The following RUFY4 variants were observed in gnomAD, a reference collection of about 807,000 sequenced individuals.
The protein encoded by RUFY4 is RUN and FYVE domain containing 4, also known as RUN and FYVE domain-containing protein 4.
RUFY4 carries 73 observed loss-of-function variants against 69.0 expected under a neutral mutation model. The observed-to-expected ratio is 1.06, with a 90% confidence interval of 0.88 to 1.29. The LOEUF is 1.29. RUFY4 is among the 50% of genes most tolerant of loss of function. RUFY4 has a pLI of 0.00. For synonymous variants in RUFY4, 287 were observed against 271.8 expected, an observed-to-expected ratio of 1.06 and a Z score of -0.55; for missense variants, 770 against 705.6, an observed-to-expected ratio of 1.09 and a Z score of -1.03.
chr2:218,039,124 T>A (rs1959023167), intron 2 of RUFY4, among the ~76,000 whole-genome samples: 1 of 152,168 alleles, frequency 6.6e-6, no homozygotes, highest in Non-Finnish European at 1.5e-5. Flanking sequence ...ACTGTCTCTT[T>A]AAACTTCCTG....
chr2:218,037,850 T>C (rs1347204249), intron 2 of RUFY4, among the ~76,000 whole-genome samples: 1 of 152,226 alleles, frequency 6.6e-6, no homozygotes, highest in Non-Finnish European at 1.5e-5. Flanking sequence ...GGAAGGATCC[T>C]ATGTGGAGAA....
chr2:218,064,560 G>T (rs1190575677), upstream of RUFY4, among the ~76,000 whole-genome samples: 1 of 152,188 alleles, frequency 6.6e-6, no homozygotes, highest in Non-Finnish European at 1.5e-5. Context: ...GAGGTCCGGG[G>T]AGAGCTGGAG....
chr2:218,068,338 G>C (rs1446845949), upstream of RUFY4, among the ~76,000 whole-genome samples: 3 of 152,098 alleles, frequency 2.0e-5, no homozygotes, highest in East Asian at 5.8e-4. Flanking sequence ...AATTGGGAGG[G>C]CAAGAAAGAG....
chr2:218,044,081 C>T (rs2106027649), intron 2 of RUFY4, among the ~76,000 whole-genome samples: 1 of 152,346 alleles, frequency 6.6e-6, no homozygotes, highest in East Asian at 1.9e-4. Flanking sequence ...CAGGAGCAGG[C>T]CCTTCTGAGC....
At chr2:218,088,124 A>G (rs1445074150) in intron 9 of RUFY4, among the ~76,000 whole-genome samples, 2 of 152,184 alleles carry the variant, frequency 1.3e-5, no homozygotes, top group Admixed American at 1.3e-4. Flanking sequence ...CTTTTGTACG[A>G]TTTTATTTTT....
intron 8 of RUFY4, among the ~76,000 whole-genome samples, chr2:218,082,784 G>C (rs1689792525): frequency 6.6e-6 from 1 of 151,820 alleles, no homozygotes; most frequent in Non-Finnish European, 1.5e-5. Context: ...TGTGTTGTGT[G>C]TGCGTTAAGT....
upstream of RUFY4, among the ~76,000 whole-genome samples, chr2:218,068,179 G>C (rs1297098640): frequency 3.4e-5 from 5 of 149,110 alleles, no homozygotes; most frequent in Non-Finnish European, 6.0e-5. Context: ...GGTTAGAGGA[G>C]GGCAGGGGAC....
intron 9 of RUFY4, among the ~76,000 whole-genome samples, chr2:218,088,123 G>A (rs537101806): frequency 9.2e-5 from 14 of 152,180 alleles, no homozygotes; most frequent in East Asian, 5.8e-4. Flanking sequence ...ACTTTTGTAC[G>A]ATTTTATTTT....
At chr2:218,039,740 C>T (rs1959034427) in intron 2 of RUFY4, among the ~76,000 whole-genome samples, 2 of 152,198 alleles carry the variant, frequency 1.3e-5, no homozygotes, top group African/African-American at 4.8e-5. Context: ...TCTATGGTCT[C>T]TCTGCTAACC....
intron 9 of RUFY4, among the ~76,000 whole-genome samples, chr2:218,088,904 T>C (rs916226266): frequency 2.0e-5 from 3 of 151,862 alleles, no homozygotes; most frequent in Admixed American, 6.6e-5. Flanking sequence ...AACTTCTCTA[T>C]GTCACTCTCT....
chr2:218,067,468 C>T (rs1025955751), upstream of RUFY4, among the ~76,000 whole-genome samples: 4 of 152,216 alleles, frequency 2.6e-5, no homozygotes, highest in African/African-American at 7.2e-5. Context: ...GGGTATCACA[C>T]CTCCTCTAGT....
chr2:218,061,738 A>G (rs918901582), intron 3 of RUFY4, among the ~76,000 whole-genome samples: 1 of 152,212 alleles, frequency 6.6e-6, no homozygotes, highest in Non-Finnish European at 1.5e-5. Context: ...TAATAACTAC[A>G]GGACACTCAA....
chr2:218,073,416 C>A, intron 5 of RUFY4, 30 bp downstream of exon 7: 1 of 1,573,280 alleles, frequency 6.4e-7, no homozygotes, highest in East Asian at 2.3e-5. Context: ...AGAGAAGTCT[C>A]TTTTGACACC....
chr2:218,074,212 C>T (rs1041995223), intron 6 of RUFY4, among the ~76,000 whole-genome samples: 1 of 152,202 alleles, frequency 6.6e-6, no homozygotes, highest in Non-Finnish European at 1.5e-5. Flanking sequence ...ACACCCTCTG[C>T]TGAGTCCCCT....
chr2:218,038,735 C>T (rs1359138481), intron 2 of RUFY4, among the ~76,000 whole-genome samples: 2 of 152,120 alleles, frequency 1.3e-5, no homozygotes, highest in African/African-American at 4.8e-5. Flanking sequence ...TGGTTGGGGG[C>T]TCAGTAACTT....
rs1422595979 is a variant in RUFY4 at position 218,058,358 on chromosome 2, C to T, written c.-1157-237C>T. 2.6e-5 allele frequency among the ~76,000 whole-genome samples: 4 copies of T among 152,188 alleles called. No homozygotes were observed. The East Asian group carries it at 7.7e-4, about 29-fold the overall frequency. On this transcript the variant is annotated intron_variant and NMD_transcript_variant, in intron 2 of 13. Coordinates refer to the RUFY4 transcript ENST00000457754. ...GTTTATAGCCTAAGGAATAATAATA[C>T]ACTAAATCCCAAGCATCTATCATGT...
rs1254341228 is a variant in RUFY4, at chr2:218,070,869, TCTC to T, written c.153+15_153+17del. ...GGAGCTGCTGCTGCAGGTGGGACCT[TCTC>T]CTCCCCTTCCCCATCCCTCTCCCCA... On this transcript the variant is annotated intron_variant, in intron 2 of 10. Coordinates refer to ENST00000344321, the Ensembl canonical transcript of RUFY4. 5 of 1,527,528 alleles carry T rather than the reference TCTC, an allele frequency of 3.3e-6. No individual in the cohort carries two copies. The highest frequency in any genetic ancestry group is 4.4e-6 in the Non-Finnish European group (5 of 1,140,608). 94.6% of individuals were successfully genotyped at this position (1,527,528 alleles called of 1,614,324 possible). A position where few individuals can be genotyped will look rare whatever the true frequency, so the allele number is the denominator to read the frequency against.
At chr2:218,047,840 G>A (rs553408655) in intron 2 of RUFY4, among the ~76,000 whole-genome samples, 149 of 152,238 alleles carry the variant, frequency 9.8e-4, no homozygotes, top group Non-Finnish European at 1.6e-3. Flanking sequence ...ATCTCATACG[G>A]AAATGATCTA....
At chr2:218,075,478 C>G in exon 7 of RUFY4, 1 of 1,597,958 alleles carries the variant, frequency 6.3e-7, no homozygotes, top group Non-Finnish European at 8.5e-7. Flanking sequence ...CAGAGAACAA[C>G]AGAGGGGACT....
Sources: gnomAD v4.1 joint callset for allele counts (sites outside exome capture counted in the v4.1 genomes callset) on GRCh38, gnomAD v4.1.1 for gene constraint, MANE v1.5 for transcripts, NCBI Gene and HGNC (gene_info 2026-07-23, HGNC 2026-07-21) for gene names.